The following RALGAPB variants were observed in gnomAD, a reference collection of about 807,000 sequenced individuals.
RALGAPB encodes the protein ral GTPase-activating protein subunit beta.
In RALGAPB, 25 loss-of-function variants were observed where a neutral mutation model predicts 161.1. The ratio of observed to expected loss-of-function variants is 0.16; its 90% CI spans 0.11 to 0.22. RALGAPB has a LOEUF of 0.22. RALGAPB is among the 10% of genes least tolerant of loss of function. The pLI, the probability that RALGAPB is intolerant of heterozygous loss-of-function variation, is 1.00. For synonymous variants in RALGAPB, 629 were observed against 626.1 expected, an observed-to-expected ratio of 1.00 and a Z score of -0.07; for missense variants, 1,391 against 1,815.2, an observed-to-expected ratio of 0.77 and a Z score of 4.25.
chr20:38,540,928 G>A lies in RALGAPB; in HGVS notation c.2563-113G>A, dbSNP rs534652511. The A allele has an allele frequency of 1.9e-4, 220 of 1,130,324 alleles. No homozygotes were observed. In the Middle Eastern group the frequency reaches 2.1e-3, roughly 11 times the overall value. The allele number at this position is 1,130,324 out of a possible 1,614,324, so 70.0% of individuals were successfully genotyped here. A position where few individuals can be genotyped will look rare whatever the true frequency, so the allele number is the denominator to read the frequency against. ...ATATATCCATTAAAGAAATTACCAAGAAACTGGAGCCCTTCCACCAAAACG... is the reference window on the plus strand; with the variant it reads ...ATATATCCATTAAAGAAATTACCAAAAAACTGGAGCCCTTCCACCAAAACG... On this transcript the variant is annotated intron_variant, in intron 17 of 29. Transcript: ENST00000262879.
Position 38,575,731 on chromosome 20 carries a change from A to G in RALGAPB, c.*764A>G, listed in dbSNP as rs1162708120. 9.2e-5 allele frequency: 14 copies of G among 151,882 alleles called. No homozygotes were observed. The highest frequency in any genetic ancestry group is 3.9e-4 in the Admixed American group (6 of 15,246). 9.4% of individuals were successfully genotyped at this position (151,882 alleles called of 1,614,324 possible). A position where few individuals can be genotyped will look rare whatever the true frequency, so the allele number is the denominator to read the frequency against. ...AGTTATAAGACAGCAGTGATACCCC[A>G]CTCTCTCCATTATTGTCCAGCGGGG... On this transcript the variant is annotated 3_prime_UTR_variant, in exon 30 of 30. Coordinates refer to ENST00000262879, the MANE Select transcript of RALGAPB (RefSeq NM_020336.4).
chr20:38,526,327 C>G (rs1053436644), intron 13 of RALGAPB, among the ~76,000 whole-genome samples: 2 of 152,054 alleles, frequency 1.3e-5, no homozygotes, highest in Admixed American at 1.3e-4. Context: ...CCATCCCTCT[C>G]TTCTTTCCTC....
At chr20:38,476,995 G>A (rs763794002) in intron 1 of RALGAPB, among the ~76,000 whole-genome samples, 7 of 152,094 alleles carry the variant, frequency 4.6e-5, no homozygotes, top group Non-Finnish European at 1.5e-5. Flanking sequence ...ATATAAACTG[G>A]GAATACAAAG....
Position 38,578,037 on chromosome 20 carries a change from T to C in RALGAPB, c.*3070T>C, listed in dbSNP as rs2088500827. ...CCTTGCTCAAAGATGTGTTTTGTGG[T>C]AGGTGGTAAAAATAAATAAATAAAT... On this transcript the variant is annotated 3_prime_UTR_variant, in exon 30 of 30. Coordinates refer to ENST00000262879, the MANE Select transcript of RALGAPB (RefSeq NM_020336.4). The C allele has an allele frequency of 6.6e-6, 1 of 152,008 alleles. No homozygotes were observed. The highest frequency in any genetic ancestry group is 2.4e-5 in the African/African-American group (1 of 41,318). 9.4% of individuals were successfully genotyped at this position (152,008 alleles called of 1,614,324 possible). A position where few individuals can be genotyped will look rare whatever the true frequency, so the allele number is the denominator to read the frequency against.
chr20:38,553,836 T>C lies in RALGAPB; in HGVS notation c.3163-31T>C, dbSNP rs117127276. 1.0e-4 allele frequency: 146 copies of C among 1,456,332 alleles called. No homozygotes were observed. In the East Asian group the frequency reaches 2.8e-3, roughly 28 times the overall value. The allele number at this position is 1,456,332 out of a possible 1,614,324, so 90.2% of individuals were successfully genotyped here. On this transcript the variant is annotated intron_variant, in intron 21 of 29. Transcript: ENST00000262879. ...TTGGCCTTACTAGTTTGATAATAGT[T>C]TCAAAAAATGAAATATTTGGTTTAT... is the stretch of plus-strand genomic sequence containing the variant.
At position 38,472,854 on chromosome 20, in the gene RALGAPB, G is replaced by C. The variant is rs948772150; in HGVS notation, c.-246G>C. 3 of 398,982 alleles carry C rather than the reference G, an allele frequency of 7.5e-6. No individual in the cohort carries two copies. The highest frequency in any genetic ancestry group is 6.2e-5 in the African/African-American group (3 of 48,644). The allele number at this position is 398,982 out of a possible 1,614,324, so 24.7% of individuals were successfully genotyped here. A position where few individuals can be genotyped will look rare whatever the true frequency, so the allele number is the denominator to read the frequency against. On this transcript the variant is annotated 5_prime_UTR_variant, in exon 1 of 30. Coordinates refer to ENST00000262879, the MANE Select transcript of RALGAPB (RefSeq NM_020336.4). ...CCGCCGCCCCTGGCAGTCGGAAGTT[G>C]CCTGAGCAGATCCCAGCCGGCTGGC... is the stretch of plus-strand genomic sequence containing the variant.
chr20:38,567,073 G>A, intron 25 of RALGAPB, 23 bp from the exon 26 acceptor site: 1 of 1,608,910 alleles, frequency 6.2e-7, no homozygotes. Context: ...TATTATAGTT[G>A]CTTTTTTTCC....
intron 5 of RALGAPB, among the ~76,000 whole-genome samples, chr20:38,501,289 C>T (rs187713489): frequency 6.6e-6 from 1 of 152,246 alleles, no homozygotes; most frequent in East Asian, 1.9e-4. Flanking sequence ...TTGCGCTTGC[C>T]TTGGCAGCCT....
chr20:38,548,897 C>T (rs2087264576), intron 20 of RALGAPB, 102 bp downstream of exon 20: 1 of 989,216 alleles, frequency 1.0e-6, no homozygotes, highest in South Asian at 1.4e-5. Flanking sequence ...TTTTTGATCC[C>T]TAGCCAGATT....
Position 38,546,292 on chromosome 20 carries a change from C to G in RALGAPB, c.2764C>G (p.Pro922Ala), listed in dbSNP as rs757501919. Residue 922 changes from proline (P) to alanine (A), a missense_variant, in exon 19 of 30, where the codon CCT becomes GCT. Pro to Ala is a conservative substitution (Grantham distance 27, BLOSUM62 -1). Around this residue, in one of 3 missense-constraint regions of RALGAPB, gnomAD observed 946 missense variants for 1,257.2 expected, o/e 0.75. Transcript: ENST00000262879. The stretch of plus-strand genomic sequence containing the variant: ...TCCTTCACCTAGTGGTCCTGCCTCT[C>G]CTTGTAGTCTTGTGAATGAGACCAC... ...AFPSPSGPAS[P>A]CSLVNETTLI... 6.2e-7 allele frequency: 1 copy of G among 1,614,138 alleles called. No individual in the cohort carries two copies. Among genetic ancestry groups the G allele is most frequent in the South Asian group, 1.1e-5 (1 of 91,076 alleles).
intron 21 of RALGAPB, 66 bp downstream of exon 21, chr20:38,551,289 C>G: frequency 6.6e-7 from 1 of 1,519,350 alleles, no homozygotes; most frequent in Non-Finnish European, 9.0e-7. Flanking sequence ...CTTCCTTGGT[C>G]AAGACAATGC....
At chr20:38,488,215 A>G (rs1041992661) in intron 1 of RALGAPB, among the ~76,000 whole-genome samples, 188 bp from the exon 2 acceptor site, 1 of 152,188 alleles carries the variant, frequency 6.6e-6, no homozygotes, top group African/African-American at 2.4e-5. Context: ...ATTATCCATA[A>G]CATTTATTTC....
chr20:38,516,428 G>A (rs1568932595), intron 7 of RALGAPB, 58 bp downstream of exon 7: 2 of 1,484,328 alleles, frequency 1.3e-6, no homozygotes, highest in East Asian at 2.3e-5. Context: ...AACTCTAGAG[G>A]CTAACCCTAG....
intron 27 of RALGAPB, 107 bp from the exon 28 acceptor site, chr20:38,570,662 A>G (rs2088197259): frequency 9.0e-6 from 6 of 667,480 alleles, no homozygotes; most frequent in South Asian, 5.7e-5. Flanking sequence ...AGCACAGTCC[A>G]TATATTTGCC....
intron 1 of RALGAPB, among the ~76,000 whole-genome samples, chr20:38,487,287 G>A (rs1003437229): frequency 2.0e-5 from 3 of 152,116 alleles, no homozygotes; most frequent in African/African-American, 7.2e-5. Flanking sequence ...GGCTGGCAAG[G>A]TAGTGTATGC....
chr20:38,490,629 C>T (rs1188079527), intron 2 of RALGAPB, among the ~76,000 whole-genome samples: 1 of 152,044 alleles, frequency 6.6e-6, no homozygotes, highest in East Asian at 1.9e-4. Flanking sequence ...GCCTCAGCCA[C>T]CCGAGTAGCT....
chr20:38,525,638 T>C (rs1044265218), intron 12 of RALGAPB, 120 bp downstream of exon 12: 4 of 858,834 alleles, frequency 4.7e-6, no homozygotes, highest in Admixed American at 2.9e-5. Context: ...AGTTATTTCA[T>C]CAAGTTATTT....
intron 11 of RALGAPB, 144 bp downstream of exon 11, chr20:38,525,089 T>A: frequency 1.2e-6 from 1 of 839,050 alleles, no homozygotes; most frequent in African/African-American, 1.7e-5. Flanking sequence ...GTGTAGTGTG[T>A]CCAAACCCAC....
At chr20:38,477,562 G>A (rs1481659129) in intron 1 of RALGAPB, among the ~76,000 whole-genome samples, 1 of 152,046 alleles carries the variant, frequency 6.6e-6, no homozygotes. Flanking sequence ...GGGTCAATGG[G>A]ACTGCAACAG....
Sources: gnomAD v4.1 joint callset for allele counts (sites outside exome capture counted in the v4.1 genomes callset) on GRCh38, gnomAD v4.1.1 for gene constraint, gnomAD v4.1.1 regional missense constraint, MANE v1.5 for transcripts, NCBI Gene and HGNC (gene_info 2026-07-23, HGNC 2026-07-21) for gene names.